The following CHN1 variants were observed in gnomAD, a reference collection of about 807,000 sequenced individuals.
The protein encoded by CHN1 is chimerin 1, also known as N-chimaerin.
Under a neutral mutation model 59.5 loss-of-function variants are expected in CHN1, and 37 were observed. The observed-to-expected ratio is 0.62, with a 90% confidence interval of 0.48 to 0.82. The LOEUF (loss-of-function observed/expected upper bound fraction) is 0.82. Ranked by LOEUF, CHN1 falls within the 40% of genes least tolerant of loss-of-function variation. The probability of loss-of-function intolerance (pLI) is 0.00; values close to 1 mark genes in which losing one functional copy is unlikely to be tolerated. For synonymous variants in CHN1, 206 were observed against 200.4 expected (o/e 1.03, Z -0.24); for missense variants, 469 against 571.0 (o/e 0.82, Z 1.82).
At chr2:174,998,387 C>T (rs759208935) in intron 1 of CHN1, among the ~76,000 whole-genome samples, 1 of 143,376 alleles carries the variant, frequency 7.0e-6, no homozygotes, top group African/African-American at 2.6e-5. Flanking sequence ...TGGGAAAAAT[C>T]AGGAAGAATT....
At chr2:174,824,035 T>C (rs1685595808) in intron 8 of CHN1, among the ~76,000 whole-genome samples, 1 of 152,238 alleles carries the variant, frequency 6.6e-6, no homozygotes, top group Non-Finnish European at 1.5e-5. Context: ...ACAAGTTATC[T>C]TTAAAATTCA....
intron 1 of CHN1, among the ~76,000 whole-genome samples, chr2:174,984,024 A>G (rs1035454178): frequency 2.0e-5 from 3 of 152,144 alleles, no homozygotes; most frequent in Admixed American, 6.5e-5. Flanking sequence ...CTAAACAGAG[A>G]AAAAAAGGGA....
At chr2:174,983,325 C>G (rs1452831964) in intron 1 of CHN1, among the ~76,000 whole-genome samples, 1 of 152,052 alleles carries the variant, frequency 6.6e-6, no homozygotes, top group Non-Finnish European at 1.5e-5. Flanking sequence ...GAGCATGACT[C>G]CTTACAGTTC....
chr2:174,921,085 G>T, intron 3 of CHN1: 1 of 377,836 alleles, frequency 2.6e-6, no homozygotes, highest in Non-Finnish European at 5.8e-6. Flanking sequence ...TGGGCAATGG[G>T]GAGCGGCTGT....
At chr2:174,895,296 G>A (rs989179791) in intron 5 of CHN1, among the ~76,000 whole-genome samples, 12 of 151,092 alleles carry the variant, frequency 7.9e-5, no homozygotes, top group Admixed American at 2.0e-4. Context: ...GCTACAACAC[G>A]GATGAACCGT....
intron 3 of CHN1, among the ~76,000 whole-genome samples, chr2:174,940,632 A>G (rs1425825298): frequency 1.3e-5 from 2 of 152,034 alleles, no homozygotes; most frequent in African/African-American, 4.8e-5. Context: ...TTATAACTAG[A>G]TTTAAGTTAA....
intron 3 of CHN1, among the ~76,000 whole-genome samples, chr2:174,929,965 G>C (rs149042876): frequency 6.6e-6 from 1 of 152,320 alleles, no homozygotes; most frequent in East Asian, 1.9e-4. Flanking sequence ...TCTCTCTCTG[G>C]AGAGTGGCTA....
intron 5 of CHN1, among the ~76,000 whole-genome samples, chr2:174,897,881 C>T (rs1217089407): frequency 6.6e-6 from 1 of 152,138 alleles, no homozygotes. Context: ...AAGTATTTCT[C>T]CAACTGAGTG....
At chr2:174,896,995 G>C (rs1009743466) in intron 5 of CHN1, among the ~76,000 whole-genome samples, 3 of 152,076 alleles carry the variant, frequency 2.0e-5, no homozygotes, top group Admixed American at 1.3e-4. Flanking sequence ...ATGTGAAAGA[G>C]CACAGAGAGG....
At chr2:174,906,541 G>A (rs1351790998) in intron 5 of CHN1, among the ~76,000 whole-genome samples, 2 of 152,086 alleles carry the variant, frequency 1.3e-5, no homozygotes, top group Non-Finnish European at 1.5e-5. Flanking sequence ...TTTTGTGAAT[G>A]TACCAAAAAC....
At chr2:174,961,083 G>A (rs1455992596) in intron 1 of CHN1, among the ~76,000 whole-genome samples, 1 of 132,656 alleles carries the variant, frequency 7.5e-6, no homozygotes, top group African/African-American at 2.6e-5. Context: ...AGCTGTGTTT[G>A]TGCCACTGCA....
chr2:174,972,559 G>A (rs1690792249), intron 1 of CHN1, among the ~76,000 whole-genome samples: 1 of 152,102 alleles, frequency 6.6e-6, no homozygotes, highest in South Asian at 2.1e-4. Flanking sequence ...GGATTGGGAA[G>A]AAAAAAAGAA....
intron 3 of CHN1, among the ~76,000 whole-genome samples, chr2:174,926,487 A>C (rs1246403472): frequency 6.6e-6 from 1 of 152,152 alleles, no homozygotes; most frequent in Non-Finnish European, 1.5e-5. Flanking sequence ...CCTGCCTCCC[A>C]TTTTATTCTG....
rs988120901 is a variant in CHN1 at position 174,885,352 on chromosome 2, T to C, written c.261-7224A>G. Among the ~76,000 whole-genome samples, 6 of 152,002 alleles carry C rather than the reference T, an allele frequency of 3.9e-5. No homozygotes were observed. The East Asian group carries it at 7.7e-4, about 20-fold the overall frequency. On this transcript the variant is annotated intron_variant, in intron 5 of 12. Transcript: ENST00000409900. ...CTGCCAAAATATAATCAGGTTACCG[T>C]AGTTTTGCTGGACATAATTTAAAAA...
At chr2:174,858,320 A>T (rs1686967590) in intron 6 of CHN1, among the ~76,000 whole-genome samples, 1 of 152,184 alleles carries the variant, frequency 6.6e-6, no homozygotes, top group Non-Finnish European at 1.5e-5. Context: ...AAGCCTCAAT[A>T]GAGATATATA....
chr2:174,987,282 G>T (rs1489749429), intron 1 of CHN1, among the ~76,000 whole-genome samples: 2 of 151,946 alleles, frequency 1.3e-5, no homozygotes, highest in Non-Finnish European at 2.9e-5. Flanking sequence ...GTCAACTCTA[G>T]TATGGTTTTA....
rs546030104 is a variant in CHN1 at position 174,969,235 on chromosome 2, T to G, written c.20-17033A>C. Among the ~76,000 whole-genome samples the G allele has an allele frequency of 1.8e-4, 28 of 152,316 alleles. No homozygotes were observed. The South Asian group carries it at 5.8e-3, about 32-fold the overall frequency. On this transcript the variant is annotated intron_variant, in intron 1 of 12. Transcript: ENST00000409900. Reference sequence around the variant, plus strand: ...TGCTGCGTTCTCTCCAATGACTTCCTGTGTCTCTCAGAATAAAAGCCAAAC... The same window carrying G: ...TGCTGCGTTCTCTCCAATGACTTCCGGTGTCTCTCAGAATAAAAGCCAAAC...
intron 5 of CHN1, among the ~76,000 whole-genome samples, chr2:174,891,293 C>A (rs542627144): frequency 1.3e-5 from 2 of 151,454 alleles, no homozygotes; most frequent in Non-Finnish European, 1.5e-5. Flanking sequence ...GAAAATAGGC[C>A]GGGAGCGGTG....
intron 7 of CHN1, among the ~76,000 whole-genome samples, chr2:174,839,792 CAG>C (rs980387685): frequency 3.3e-5 from 5 of 151,982 alleles, no homozygotes; most frequent in Admixed American, 6.6e-5. Flanking sequence ...TTGATAGAAA[CAG>C]AGTTTTGCCA....
Sources: gnomAD v4.1 joint callset for allele counts (sites outside exome capture counted in the v4.1 genomes callset) on GRCh38, gnomAD v4.1.1 for gene constraint, MANE v1.5 for transcripts, NCBI Gene and HGNC (gene_info 2026-07-23, HGNC 2026-07-21) for gene names.